Variants in FYB1 observed in about 807,000 individuals in gnomAD.
FYB1 encodes the protein FYN-binding protein 1.
Under a neutral mutation model 94.1 loss-of-function variants are expected in FYB1, and 41 were observed. That is an observed-to-expected ratio of 0.44 (90% CI 0.34 to 0.57). FYB1 has a LOEUF of 0.57. Ranked by LOEUF, FYB1 falls within the 20% of genes least tolerant of loss-of-function variation. The probability of loss-of-function intolerance (pLI) is 0.02; values close to 1 mark genes in which losing one functional copy is unlikely to be tolerated. For missense variants in FYB1, 1,050 were observed against 976.8 expected (o/e 1.07, Z -1.00); for synonymous variants, 367 against 353.2 (o/e 1.04, Z -0.44).
In FYB1 at chr5:39,202,406, T is replaced by C. The variant is rs777873328; in HGVS notation, c.555A>G (p.Gln185=). 8 of 1,613,518 alleles carry C rather than the reference T, an allele frequency of 5.0e-6. No individual in the cohort carries two copies. Among genetic ancestry groups the C allele is most frequent in the Non-Finnish European group, 5.9e-6 (7 of 1,179,776 alleles). ...GVKGKFMSAS[Q]DLEPKPLFPK... is the part of the protein sequence containing the mutation. ...GGAAGAGGGGCTTGGGTTCAAGATC[T>C]TGTGATGCTGACATAAATTTCCCTT... Residue 185 remains glutamine (Q), a synonymous_variant, in exon 2 of 19, where the codon CAA becomes CAG. Coordinates refer to ENST00000512982, the MANE Select transcript of FYB1 (RefSeq NM_001465.6).
chr5:39,131,873 G>T (rs1741230915), intron 9 of FYB1, among the ~76,000 whole-genome samples: 1 of 152,116 alleles, frequency 6.6e-6, no homozygotes, highest in Non-Finnish European at 1.5e-5. Context: ...CATGTCTAGA[G>T]CAATTATTCA....
At chr5:39,151,811 G>A (rs1743276393) in intron 3 of FYB1, among the ~76,000 whole-genome samples, 1 of 152,184 alleles carries the variant, frequency 6.6e-6, no homozygotes, top group Admixed American at 6.5e-5. Flanking sequence ...GAATGTTTGG[G>A]AAATACTCAT....
intron 1 of FYB1, among the ~76,000 whole-genome samples, chr5:39,231,760 A>C (rs528679777): frequency 6.7e-6 from 1 of 150,234 alleles, no homozygotes; most frequent in East Asian, 1.9e-4. Flanking sequence ...TTTCTCTTTC[A>C]CAGAGGGGAG....
chr5:39,260,770 G>A (rs190334), intron 1 of FYB1, among the ~76,000 whole-genome samples: 89,478 of 151,868 alleles, frequency 0.59, 26,639 homozygotes, highest in African/African-American at 0.67. Flanking sequence ...ACATCGTAGT[G>A]TATAATATTC....
intron 1 of FYB1, among the ~76,000 whole-genome samples, chr5:39,211,381 C>T (rs1242066745): frequency 2.0e-5 from 3 of 150,526 alleles, no homozygotes; most frequent in African/African-American, 7.4e-5. Flanking sequence ...AGTGCAGTGG[C>T]GCGATCTCGG....
Position 39,153,614 on chromosome 5 carries a change from A to C in FYB1, c.1136-10T>G. The C allele has an allele frequency of 1.9e-6, 3 of 1,600,222 alleles. No individual in the cohort carries two copies. On this transcript the variant is annotated splice_polypyrimidine_tract_variant and intron_variant, in intron 2 of 18. Coordinates refer to ENST00000512982, the MANE Select transcript of FYB1 (RefSeq NM_001465.6). The stretch of plus-strand genomic sequence containing the variant: ...TGGCCTTTGCTAGTACCTAAGAAGC[A>C]AAGCAAACAATACCATGAATTAAGA...
chr5:39,163,751 G>A (rs1451599948), intron 2 of FYB1, among the ~76,000 whole-genome samples: 1 of 152,170 alleles, frequency 6.6e-6, no homozygotes. Flanking sequence ...AAGGAAAAAT[G>A]TCAGCATATA....
intron 3 of FYB1, among the ~76,000 whole-genome samples, chr5:39,146,877 T>C (rs1742699733): frequency 6.6e-6 from 1 of 152,078 alleles, no homozygotes; most frequent in Non-Finnish European, 1.5e-5. Flanking sequence ...ATAATAGCAA[T>C]GATGGTGAAG....
At chr5:39,259,343 C>G (rs1411739708) in intron 1 of FYB1, among the ~76,000 whole-genome samples, 2 of 152,180 alleles carry the variant, frequency 1.3e-5, no homozygotes, top group Admixed American at 1.3e-4. Context: ...AGGAGCTAGG[C>G]CAGTAGGCTG....
At chr5:39,180,080 C>T (rs903862356) in intron 2 of FYB1, among the ~76,000 whole-genome samples, 2 of 152,170 alleles carry the variant, frequency 1.3e-5, no homozygotes, top group African/African-American at 2.4e-5. Flanking sequence ...TTCAGGAGAA[C>T]AGAGACGTAA....
intron 3 of FYB1, among the ~76,000 whole-genome samples, chr5:39,145,749 C>A (rs1489633515): frequency 6.6e-6 from 1 of 151,986 alleles, no homozygotes; most frequent in Non-Finnish European, 1.5e-5. Context: ...CTCATATTTC[C>A]TTTTCTTACA....
At chr5:39,162,487 C>T (rs1313181051) in intron 2 of FYB1, among the ~76,000 whole-genome samples, 1 of 152,024 alleles carries the variant, frequency 6.6e-6, no homozygotes, top group East Asian at 1.9e-4. Flanking sequence ...GAGATCCAGA[C>T]CATCCTGGCC....
Position 39,231,364 on chromosome 5 carries a change from C to G in FYB1, c.-27-28377G>C, listed in dbSNP as rs532431361. Among the ~76,000 whole-genome samples, 269 of 152,112 alleles carry G rather than the reference C, an allele frequency of 1.8e-3. 4 individuals are homozygous for G. The highest frequency in any genetic ancestry group is 0.013 in the South Asian group (61 of 4,816). On this transcript the variant is annotated intron_variant, in intron 1 of 1. Coordinates refer to the FYB1 transcript ENST00000510188. Reference sequence around the variant, plus strand: ...AAATACATGGTTGGCCATCTTTTCTCTCTAAATGTACTGAGTACCTTTTGG... The same window carrying G: ...AAATACATGGTTGGCCATCTTTTCTGTCTAAATGTACTGAGTACCTTTTGG...
At chr5:39,229,567 G>C (rs1399820187) in intron 1 of FYB1, among the ~76,000 whole-genome samples, 1 of 152,158 alleles carries the variant, frequency 6.6e-6, no homozygotes. Context: ...TTAACTTAGG[G>C]ATATGATTTG....
At chr5:39,118,601 G>T (rs1054928471) in intron 16 of FYB1, among the ~76,000 whole-genome samples, 3 of 152,126 alleles carry the variant, frequency 2.0e-5, no homozygotes, top group Non-Finnish European at 4.4e-5. Flanking sequence ...TGATGCTGAT[G>T]GTCTGTAGTA....
At chr5:39,228,642 C>A (rs902616901) in intron 1 of FYB1, among the ~76,000 whole-genome samples, 2 of 152,128 alleles carry the variant, frequency 1.3e-5, no homozygotes, top group Non-Finnish European at 2.9e-5. Context: ...TTTCAAATCA[C>A]CAGGGTCAAC....
intron 12 of FYB1, 129 bp downstream of exon 12, chr5:39,125,869 A>G (rs576699095): frequency 6.5e-5 from 60 of 922,154 alleles, no homozygotes; most frequent in Non-Finnish European, 9.2e-5. Context: ...AAGATGATTA[A>G]CGGAAAATTG....
intron 1 of FYB1, among the ~76,000 whole-genome samples, chr5:39,265,758 C>T (rs1054399020): frequency 2.0e-5 from 3 of 152,196 alleles, no homozygotes; most frequent in Admixed American, 1.3e-4. Context: ...AGAACCACTA[C>T]CCTAAGTGTA....
chr5:39,141,569 C>G (rs145172079), intron 3 of FYB1, among the ~76,000 whole-genome samples: 1 of 152,278 alleles, frequency 6.6e-6, no homozygotes, highest in Non-Finnish European at 1.5e-5. Context: ...GCAGATGGAT[C>G]ACTTGAAGTC....
Sources: gnomAD v4.1 joint callset for allele counts (sites outside exome capture counted in the v4.1 genomes callset) on GRCh38, gnomAD v4.1.1 for gene constraint, MANE v1.5 for transcripts, NCBI Gene and HGNC (gene_info 2026-07-23, HGNC 2026-07-21) for gene names.